SPATA6: variants seen among roughly 807,000 people sequenced by gnomAD.
SPATA6 encodes spermatogenesis associated 6, also known as spermatogenesis-associated protein 6.
SPATA6 carries 56 observed loss-of-function variants against 65.3 expected under a neutral mutation model. The observed-to-expected ratio is 0.86, with a 90% CI of 0.69 to 1.07. The LOEUF (loss-of-function observed/expected upper bound fraction) is 1.07, where lower values mean the gene tolerates loss of function less well. SPATA6 is among the 50% of genes least tolerant of loss of function. The pLI is 0.00. For missense variants in SPATA6, 590 were observed against 594.8 expected, an observed-to-expected ratio of 0.99 and a Z score of 0.08; for synonymous variants, 199 against 213.2, an observed-to-expected ratio of 0.93 and a Z score of 0.58.
At chr1:48,418,819 G>A (rs145713914) in intron 3 of SPATA6, among the ~76,000 whole-genome samples, 250 of 146,262 alleles carry the variant, frequency 1.7e-3, no homozygotes, top group African/African-American at 6.1e-3. Context: ...GAGGGAAGGA[G>A]GGAGGGAGGG....
chr1:48,346,673 T>TGAGGGCCTC (rs1646374610), intron 11 of SPATA6, among the ~76,000 whole-genome samples: 5 of 151,780 alleles, frequency 3.3e-5, no homozygotes, highest in Non-Finnish European at 5.9e-5. Flanking sequence ...ACACCAACAA[T>TGAGGGCCTC]AGTCAAGCTG....
chr1:48,335,656 G>C (rs1157405610), intron 11 of SPATA6, among the ~76,000 whole-genome samples: 2 of 152,082 alleles, frequency 1.3e-5, no homozygotes, highest in Non-Finnish European at 2.9e-5. Context: ...AGACCTAAAT[G>C]TAAACCCTGT....
chr1:48,365,093 AAGATC>A (rs1557617935), intron 9 of SPATA6, among the ~76,000 whole-genome samples: 1 of 152,178 alleles, frequency 6.6e-6, no homozygotes, highest in East Asian at 1.9e-4. Flanking sequence ...AGGTTTGTCA[AAGATC>A]AGATAGTTGT....
chr1:48,288,313 T>A, the SPATA6 span, among the ~76,000 whole-genome samples: 36 of 152,260 alleles, frequency 2.4e-4, no homozygotes, highest in African/African-American at 8.4e-4. Flanking sequence ...ATAAAGTGAG[T>A]TTGGGAGGGT....
At chr1:48,295,350 T>C (rs563079039), downstream of SPATA6, 1 of 152,306 alleles carries the variant, frequency 6.6e-6, no homozygotes, top group African/African-American at 2.4e-5. Flanking sequence ...TATCTATCAA[T>C]TGAATGGATA....
intron 3 of SPATA6, among the ~76,000 whole-genome samples, chr1:48,439,515 C>T (rs912279710): frequency 1.7e-4 from 26 of 151,962 alleles, no homozygotes; most frequent in African/African-American, 5.8e-4. Context: ...GCAACTAGTC[C>T]GATCAGCAGG....
Position 48,333,538 on chromosome 1 carries a change from C to T in SPATA6, c.1194+22132G>A, listed in dbSNP as rs369589149. ...CATGTATACATATATCCTATTAGTTCTGTCCCTCTAGAGAACCCTGACTAA... is the reference window on the plus strand; with the variant it reads ...CATGTATACATATATCCTATTAGTTTTGTCCCTCTAGAGAACCCTGACTAA... On this transcript the variant is annotated intron_variant, in intron 11 of 12. Coordinates refer to ENST00000371847, the MANE Select transcript of SPATA6 (RefSeq NM_019073.4). 1.5e-4 allele frequency among the ~76,000 whole-genome samples: 23 copies of T among 152,296 alleles called. 1 individual carries two copies. The East Asian group carries it at 1.5e-3, about 10-fold the overall frequency.
chr1:48,267,148 C>T, the SPATA6 span, among the ~76,000 whole-genome samples: 19 of 152,168 alleles, frequency 1.2e-4, no homozygotes, highest in East Asian at 5.8e-4. Flanking sequence ...TCAGGGCCTG[C>T]GATGGGAGTG....
the SPATA6 span, among the ~76,000 whole-genome samples, chr1:48,284,377 C>G: frequency 6.6e-6 from 1 of 152,138 alleles, no homozygotes; most frequent in Non-Finnish European, 1.5e-5. Context: ...TTAGAACATG[C>G]TCCTTTAGTT....
intron 7 of SPATA6, among the ~76,000 whole-genome samples, chr1:48,397,913 T>C (rs1650760334): frequency 6.6e-6 from 1 of 151,606 alleles, no homozygotes; most frequent in South Asian, 2.1e-4. Flanking sequence ...AACAAACATT[T>C]AAAGAAAAGC....
downstream of SPATA6, among the ~76,000 whole-genome samples, chr1:48,294,222 G>A (rs1345076199): frequency 3.9e-5 from 6 of 152,116 alleles, no homozygotes; most frequent in Admixed American, 3.9e-4. Context: ...GACTACAGGT[G>A]CATGCCACTA....
chr1:48,271,906 C>T, the SPATA6 span, among the ~76,000 whole-genome samples: 1 of 152,120 alleles, frequency 6.6e-6, no homozygotes, highest in Non-Finnish European at 1.5e-5. Flanking sequence ...TAATTGTTGA[C>T]TTGTCTGTCC....
intron 11 of SPATA6, among the ~76,000 whole-genome samples, chr1:48,318,292 A>T (rs1557554163): frequency 6.6e-6 from 1 of 152,194 alleles, no homozygotes; most frequent in Non-Finnish European, 1.5e-5. Context: ...CAATTAGCCA[A>T]GAATATGACA....
chr1:48,462,197 G>A (rs1657491800), intron 1 of SPATA6, among the ~76,000 whole-genome samples: 1 of 151,822 alleles, frequency 6.6e-6, no homozygotes, highest in Admixed American at 6.6e-5. Flanking sequence ...ACTGTTGTGG[G>A]GTGGGGGGAG....
At chr1:48,333,760 A>G (rs1224096523) in intron 11 of SPATA6, among the ~76,000 whole-genome samples, 1 of 152,228 alleles carries the variant, frequency 6.6e-6, no homozygotes, top group Non-Finnish European at 1.5e-5. Flanking sequence ...AACAAACTCT[A>G]AAGCTAGCAG....
intron 12 of SPATA6, among the ~76,000 whole-genome samples, chr1:48,304,063 T>C (rs182391175): frequency 4.7e-4 from 71 of 152,332 alleles, no homozygotes; most frequent in African/African-American, 1.5e-3. Flanking sequence ...ACTTTGAGTG[T>C]AGTTCCTCTA....
At chr1:48,383,382 G>T (rs76183290) in intron 9 of SPATA6, among the ~76,000 whole-genome samples, 1 of 54,288 alleles carries the variant, frequency 1.8e-5, no homozygotes, top group Admixed American at 1.8e-4. Flanking sequence ...GGATGGGGCG[G>T]CTGGCCAGGC....
intron 3 of SPATA6, among the ~76,000 whole-genome samples, chr1:48,446,715 A>C (rs1656084567): frequency 6.6e-6 from 1 of 152,246 alleles, no homozygotes; most frequent in South Asian, 2.1e-4. Context: ...ATAATTCAAT[A>C]ATTATAATTA....
At chr1:48,277,173 T>C in the SPATA6 span, among the ~76,000 whole-genome samples, 1 of 151,718 alleles carries the variant, frequency 6.6e-6, no homozygotes. Context: ...TCGCTGTATA[T>C]GAAATTCTGA....
Sources: gnomAD v4.1 joint callset for allele counts (sites outside exome capture counted in the v4.1 genomes callset) on GRCh38, gnomAD v4.1.1 for gene constraint, MANE v1.5 for transcripts, NCBI Gene and HGNC (gene_info 2026-07-23, HGNC 2026-07-21) for gene names.